The following BARD1 variants were observed in gnomAD, a reference collection of about 807,000 sequenced individuals.
The protein encoded by BARD1 is BRCA1 associated RING domain 1.
In BARD1, 73 loss-of-function variants were observed where a neutral mutation model predicts 77.0. The observed-to-expected ratio is 0.95, with a 90% confidence interval of 0.79 to 1.15. The LOEUF (loss-of-function observed/expected upper bound fraction) is 1.15. Among genes scored for constraint, BARD1 ranks in the 50% most tolerant of loss-of-function variants. The pLI is 0.00. For missense variants in BARD1, 993 were observed against 938.8 expected, an observed-to-expected ratio of 1.06 and a Z score of -0.75; for synonymous variants, 384 against 338.0, an observed-to-expected ratio of 1.14 and a Z score of -1.49.
At chr2:214,778,424 A>G (rs1323446696) in intron 4 of BARD1, among the ~76,000 whole-genome samples, 1 of 152,152 alleles carries the variant, frequency 6.6e-6, no homozygotes, top group African/African-American at 2.4e-5. Flanking sequence ...CAATAATTGC[A>G]TTTAATAATT....
rs1446402509 is a variant in BARD1, at chr2:214,804,210, CAAGTA to C, written c.158+5197_158+5201del. On this transcript the variant is annotated intron_variant, in intron 1 of 10. Coordinates refer to ENST00000260947, the MANE Select transcript of BARD1 (RefSeq NM_000465.4). ...ATCTTTAGAAGAATAAAGTGTTTAA[CAAGTA>C]AAGTATATGGATAATGACATGGAAC... Among the ~76,000 whole-genome samples the C allele has an allele frequency of 1.2e-4, 19 of 152,262 alleles. No individual in the cohort carries two copies. In the East Asian group the frequency reaches 3.5e-3, roughly 28 times the overall value.
chr2:214,737,455 G>C (rs1301269486), intron 9 of BARD1, among the ~76,000 whole-genome samples: 1 of 151,928 alleles, frequency 6.6e-6, no homozygotes, highest in Non-Finnish European at 1.5e-5. Flanking sequence ...ATTTTTAGTT[G>C]GATCAATGTG....
chr2:214,748,226 TCA>T (rs1480266529), intron 7 of BARD1, among the ~76,000 whole-genome samples: 1 of 152,172 alleles, frequency 6.6e-6, no homozygotes, highest in African/African-American at 2.4e-5. Context: ...CACTAATTTC[TCA>T]CAGTTAAAGA....
intron 4 of BARD1, among the ~76,000 whole-genome samples, chr2:214,774,089 C>T (rs1414999424): frequency 6.6e-6 from 1 of 152,184 alleles, no homozygotes; most frequent in Non-Finnish European, 1.5e-5. Context: ...CATGAGGCTG[C>T]AGCAATTCAG....
intron 2 of BARD1, among the ~76,000 whole-genome samples, chr2:214,796,439 CAGAG>C (rs1319029664): frequency 6.6e-6 from 1 of 152,120 alleles, no homozygotes. Context: ...AAATTTGACA[CAGAG>C]AGAAGCAAGC....
chr2:214,799,249 C>T (rs116027120), intron 1 of BARD1, among the ~76,000 whole-genome samples: 3,062 of 152,170 alleles, frequency 0.02, 90 homozygotes, highest in African/African-American at 0.067. Context: ...TGAGGTGAGC[C>T]GAGATTACAC....
At position 214,752,552 on chromosome 2, in the gene BARD1, A is replaced by G. The variant is rs1330343755; in HGVS notation, c.1572T>C (p.Asn524=). ...AATCGACAGGCCGCAGACCAAATAT[A>G]TTACTGGTAAAATAAGTGCAGATGT... ...LSYGASRNAV[N]IFGLRPVDYT... is the part of the protein sequence containing the mutation. The change falls in exon 7 of 11, where the codon AAT becomes AAC. Residue 524 remains asparagine, a synonymous_variant. Transcript: ENST00000260947. 6.2e-7 allele frequency: 1 copy of G among 1,610,678 alleles called. No homozygotes were observed. Among genetic ancestry groups the G allele is most frequent in the Non-Finnish European group, 8.5e-7 (1 of 1,177,040 alleles).
In BARD1 at chr2:214,780,626, C is replaced by T. The variant is rs1426931125; in HGVS notation, c.1248G>A (p.Leu416=). 6.2e-7 allele frequency: 1 copy of T among 1,614,048 alleles called. No homozygotes were observed. Among genetic ancestry groups the T allele is most frequent in the Non-Finnish European group, 8.5e-7 (1 of 1,179,964 alleles). ...TTCTTTTCACAGCCATATTGGGCAA[C>T]AGCTTCATTGCTGAGGGACTAGACA... ...RVMSSPSAMK[L]LPNMAVKRNH... Residue 416 remains leucine, a synonymous_variant, in exon 4 of 11, where the codon CTG becomes CTA. Coordinates refer to ENST00000260947, the MANE Select transcript of BARD1 (RefSeq NM_000465.4).
intron 1 of BARD1, among the ~76,000 whole-genome samples, chr2:214,802,241 T>C (rs1192860423): frequency 6.6e-6 from 1 of 152,152 alleles, no homozygotes; most frequent in Non-Finnish European, 1.5e-5. Context: ...AGGAAGTCAT[T>C]CTGTTTTTCA....
intron 7 of BARD1, among the ~76,000 whole-genome samples, chr2:214,750,656 A>G (rs1055130125): frequency 6.6e-6 from 1 of 152,066 alleles, no homozygotes; most frequent in African/African-American, 2.4e-5. Context: ...GACTGACCCT[A>G]ACCTCCAGCC....
intron 9 of BARD1, among the ~76,000 whole-genome samples, chr2:214,741,406 AAGAAT>A (rs1179945788): frequency 9.2e-5 from 14 of 152,300 alleles, no homozygotes; most frequent in African/African-American, 2.6e-4. Flanking sequence ...AGTGTACTAA[AAGAAT>A]AGGTCAGTAG....
chr2:214,803,842 C>T (rs1353580296), intron 1 of BARD1, among the ~76,000 whole-genome samples: 1 of 152,122 alleles, frequency 6.6e-6, no homozygotes, highest in Non-Finnish European at 1.5e-5. Context: ...GAGGGGCAAC[C>T]CACCCCTTCA....
Position 214,789,679 on chromosome 2 carries a change from T to C in BARD1, c.364+2618A>G, listed in dbSNP as rs368313007. ...CTTCGAACCAAAAAGTTGTGTAAAA[T>C]AGAAAAACAGTAAGAAATTTACAAC... On this transcript the variant is annotated intron_variant, in intron 3 of 10. Transcript: ENST00000260947. Among the ~76,000 whole-genome samples, 20 of 152,162 alleles carry C rather than the reference T, an allele frequency of 1.3e-4. No individual in the cohort carries two copies. In the East Asian group the frequency reaches 1.5e-3, roughly 12 times the overall value.
chr2:214,781,568 C>T, intron 3 of BARD1, 59 bp from the exon 4 acceptor site: 1 of 1,427,364 alleles, frequency 7.0e-7, no homozygotes, highest in South Asian at 1.2e-5. Flanking sequence ...CCACATGGAG[C>T]TCCCGAAGAA....
chr2:214,745,258 C>T, intron 8 of BARD1, 99 bp from the exon 9 acceptor site: 1 of 1,087,954 alleles, frequency 9.2e-7, no homozygotes, highest in South Asian at 1.4e-5. Context: ...AAGCTTATAT[C>T]TGAATCTTCA....
chr2:214,776,958 G>C (rs1371972865), intron 4 of BARD1, among the ~76,000 whole-genome samples: 1 of 152,130 alleles, frequency 6.6e-6, no homozygotes, highest in Non-Finnish European at 1.5e-5. Flanking sequence ...AGAGTCTCTA[G>C]AACCTGGAAA....
At chr2:214,775,770 G>A (rs140519752) in intron 4 of BARD1, among the ~76,000 whole-genome samples, 1 of 152,184 alleles carries the variant, frequency 6.6e-6, no homozygotes, top group Admixed American at 6.5e-5. Flanking sequence ...TATTACAAAA[G>A]CAGACTTATA....
At chr2:214,809,314 A>C in intron 1 of BARD1, 98 bp downstream of exon 1, 1 of 1,522,352 alleles carries the variant, frequency 6.6e-7, no homozygotes, top group African/African-American at 1.4e-5. Flanking sequence ...CAGCGCGGGA[A>C]CGGAAGGAGG....
intron 9 of BARD1, among the ~76,000 whole-genome samples, chr2:214,731,754 C>T (rs1399397558): frequency 1.3e-5 from 2 of 152,144 alleles, no homozygotes; most frequent in East Asian, 3.9e-4. Context: ...ATATTATTCA[C>T]CTATGCGTTC....
Sources: allele counts gnomAD v4.1 joint callset (sites outside exome capture counted in the v4.1 genomes callset), GRCh38; gene constraint gnomAD v4.1.1; transcripts MANE v1.5; gene names NCBI Gene and HGNC (gene_info 2026-07-23, HGNC 2026-07-21).